The following CIT variants were observed in gnomAD, a reference collection of about 807,000 sequenced individuals.
The protein encoded by CIT is citron rho-interacting serine/threonine kinase, also known as citron Rho-interacting kinase.
In CIT, 79 loss-of-function variants were observed where a neutral mutation model predicts 272.7. That is an observed-to-expected ratio of 0.29 (90% CI 0.24 to 0.35). The LOEUF is 0.35. Among genes scored for constraint, CIT ranks in the 10% least tolerant of loss-of-function variants. The pLI, the probability that CIT is intolerant of heterozygous loss-of-function variation, is 1.00. For synonymous variants in CIT, 948 were observed against 995.6 expected (o/e 0.95, Z 0.90); for missense variants, 1,909 against 2,618.3 (o/e 0.73, Z 5.91).
At chr12:119,762,565 G>T (rs1270856543) in intron 19 of CIT, among the ~76,000 whole-genome samples, 1 of 152,182 alleles carries the variant, frequency 6.6e-6, no homozygotes, top group African/African-American at 2.4e-5. Flanking sequence ...TTTCCATCTA[G>T]AAGTTAGCAG....
At position 119,864,840 on chromosome 12, in the gene CIT, A is replaced by G. The variant is rs886280246; in HGVS notation, c.238+4220T>C. On this transcript the variant is annotated intron_variant, in intron 3 of 47. Coordinates refer to ENST00000392521, the MANE Select transcript of CIT (RefSeq NM_001206999.2). ...GACAAAAATCCCTTCCCTGGTTCCC[A>G]GATGCTCGTTCCCTTCCCTTCCCTC... is the stretch of plus-strand genomic sequence containing the variant. Among the ~76,000 whole-genome samples the G allele has an allele frequency of 2.6e-5, 4 of 152,148 alleles. 1 individual carries two copies. In the Middle Eastern group the frequency reaches 0.01, roughly 388 times the overall value.
At chr12:119,758,769 G>T in intron 20 of CIT, 69 bp from the exon 21 acceptor site, 1 of 1,040,396 alleles carries the variant, frequency 9.6e-7, no homozygotes, top group Non-Finnish European at 1.5e-6. Context: ...GCGGGCCAGG[G>T]TAAAAGTTTC....
intron 27 of CIT, 148 bp downstream of exon 27, chr12:119,730,347 G>T: frequency 8.6e-6 from 7 of 813,966 alleles, no homozygotes; most frequent in Admixed American, 3.4e-5. Flanking sequence ...CCCATGGTAA[G>T]GCAAAACCAT....
chr12:119,753,784 C>T (rs893203705), intron 22 of CIT, among the ~76,000 whole-genome samples: 29 of 151,422 alleles, frequency 1.9e-4, no homozygotes, highest in Admixed American at 9.9e-4. Flanking sequence ...CATTTCTGGA[C>T]GGGTGAATTA....
intron 12 of CIT, chr12:119,783,587 C>T (rs371280455): frequency 1.6e-3 from 308 of 196,976 alleles, no homozygotes; most frequent in African/African-American, 6.4e-3. Flanking sequence ...TCAGACACAA[C>T]GCAGACCACA....
At chr12:119,717,834 C>CTTGCTTTTTTTTTTTTTT (rs1957596158) in intron 32 of CIT, among the ~76,000 whole-genome samples, 3 of 70,244 alleles carry the variant, frequency 4.3e-5, no homozygotes. Flanking sequence ...AGACTGACTT[C>CTTGCTTTTTTTTTTTTTT]TTTCTTTTTT....
intron 41 of CIT, among the ~76,000 whole-genome samples, chr12:119,702,167 T>C (rs11064879): frequency 6.6e-6 from 1 of 151,870 alleles, no homozygotes; most frequent in Non-Finnish European, 1.5e-5. Flanking sequence ...TGCAGTGGTG[T>C]GATCATAGCT....
At chr12:119,863,348 T>C (rs1950420377) in intron 3 of CIT, among the ~76,000 whole-genome samples, 1 of 151,338 alleles carries the variant, frequency 6.6e-6, no homozygotes, top group Non-Finnish European at 1.5e-5. Flanking sequence ...ACAACAGACA[T>C]TGGAGCCTAC....
chr12:119,722,291 G>C (rs1463031239), intron 28 of CIT, among the ~76,000 whole-genome samples: 1 of 152,154 alleles, frequency 6.6e-6, no homozygotes, highest in Admixed American at 6.5e-5. Flanking sequence ...ACTACACTTA[G>C]TGTGGCCCAA....
chr12:119,726,011 C>T (rs1177035387), intron 28 of CIT, among the ~76,000 whole-genome samples: 3 of 149,904 alleles, frequency 2.0e-5, no homozygotes, highest in Non-Finnish European at 4.4e-5. Flanking sequence ...ACCAAATATA[C>T]GTGTGTGTGT....
chr12:119,869,012 G>A lies in CIT; in HGVS notation c.238+48C>T, dbSNP rs183012666. ...TCATTCTGCCTCAAGCATCTTTCTA[G>A]TTTTTCTCTCTCAGGACAGTTTTCA... On this transcript the variant is annotated intron_variant, in intron 3 of 47. Transcript: ENST00000392521. 24 of 1,600,626 alleles carry A rather than the reference G, an allele frequency of 1.5e-5. No homozygotes were observed. In the African/African-American group the frequency reaches 3.1e-4, roughly 21 times the overall value.
chr12:119,710,803 T>C lies in CIT; in HGVS notation c.4855-183A>G. On this transcript the variant is annotated intron_variant, in intron 37 of 47. Coordinates refer to ENST00000392521, the MANE Select transcript of CIT (RefSeq NM_001206999.2). The surrounding 1 kb of genome is among the most constrained non-coding windows in gnomAD (Gnocchi z 5.6). Reference sequence around the variant, plus strand: ...CTGAGCTCCAAATGCAAAATGCGAGTGCTATTGGTATCTCTGGGGCAGCTG... The same window carrying C: ...CTGAGCTCCAAATGCAAAATGCGAGCGCTATTGGTATCTCTGGGGCAGCTG... 1 of 678,404 alleles carries C rather than the reference T, an allele frequency of 1.5e-6. No individual in the cohort carries two copies. Among genetic ancestry groups the C allele is most frequent in the Non-Finnish European group, 2.5e-6 (1 of 398,616 alleles). 42.0% of individuals were successfully genotyped at this position (678,404 alleles called of 1,614,324 possible). A position where few individuals can be genotyped will look rare whatever the true frequency, so the allele number is the denominator to read the frequency against.
intron 1 of CIT, among the ~76,000 whole-genome samples, chr12:119,876,388 C>A (rs563914416): frequency 2.6e-5 from 4 of 152,132 alleles, no homozygotes; most frequent in African/African-American, 4.8e-5. Context: ...GACATACTCT[C>A]TTACTTATAA....
chr12:119,826,283 G>A (rs280580), intron 7 of CIT, among the ~76,000 whole-genome samples: 1,733 of 151,956 alleles, frequency 0.011, 29 homozygotes, highest in African/African-American at 0.04. Context: ...CTCCCCCACC[G>A]TTCAGAAACC....
chr12:119,725,033 G>A (rs1958015629), intron 28 of CIT, among the ~76,000 whole-genome samples: 1 of 149,622 alleles, frequency 6.7e-6, no homozygotes, highest in African/African-American at 2.4e-5. Context: ...AGTAAAGTTT[G>A]TCAGGAGCAA....
intron 19 of CIT, among the ~76,000 whole-genome samples, chr12:119,761,471 T>C (rs867667246): frequency 2.2e-4 from 34 of 152,232 alleles, no homozygotes; most frequent in Admixed American, 5.9e-4. Flanking sequence ...ACCCGTAGTT[T>C]TCAGAATATT....
intron 3 of CIT, among the ~76,000 whole-genome samples, chr12:119,862,417 G>A (rs936482693): frequency 6.6e-6 from 1 of 152,078 alleles, no homozygotes; most frequent in Non-Finnish European, 1.5e-5. Flanking sequence ...GATTTTGAGG[G>A]ATTTTTCTCT....
In CIT at chr12:119,714,254, T is replaced by C. The variant is rs1285965155; in HGVS notation, c.4249A>G (p.Lys1417Glu). The C allele has an allele frequency of 1.9e-6, 3 of 1,613,944 alleles. No homozygotes were observed. The highest frequency in any genetic ancestry group is 4.5e-5 in the East Asian group (2 of 44,886). ...FNVGLNMRAT[K>E]CAVCLDTVHF... Reference sequence around the variant, plus strand: ...ACGGTATCCAGACACACAGCACACTTTGTGGCTCGCATGTTCAGTCCTACG... The same window carrying C: ...ACGGTATCCAGACACACAGCACACTCTGTGGCTCGCATGTTCAGTCCTACG... The change falls in exon 33 of 48, where the codon AAG becomes GAG. Residue 1417 changes from lysine (K) to glutamate (E), a missense_variant. Around this residue, in one of 8 missense-constraint regions of CIT, gnomAD observed 780 missense variants for 1,067.2 expected, o/e 0.73. Coordinates refer to ENST00000392521, the MANE Select transcript of CIT (RefSeq NM_001206999.2).
At chr12:119,874,063 C>A (rs549689836) in intron 2 of CIT, among the ~76,000 whole-genome samples, 2 of 151,766 alleles carry the variant, frequency 1.3e-5, no homozygotes, top group South Asian at 4.2e-4. Flanking sequence ...TTTTTGTTTT[C>A]TTTTGTTTTG....
Sources: gnomAD v4.1 joint callset for allele counts (sites outside exome capture counted in the v4.1 genomes callset) on GRCh38, gnomAD v4.1.1 for gene constraint, gnomAD v4.1.1 regional missense constraint, Gnocchi (gnomAD v3.1) non-coding constraint, MANE v1.5 for transcripts, NCBI Gene and HGNC (gene_info 2026-07-23, HGNC 2026-07-21) for gene names.